Variants in PRKX observed in about 807,000 individuals in gnomAD.
The protein encoded by PRKX is cAMP-dependent protein kinase catalytic subunit PRKX.
A neutral mutation model predicts 22.0 loss-of-function variants in PRKX; 12 were observed. The ratio of observed to expected loss-of-function variants is 0.54; its 90% CI spans 0.35 to 0.88. PRKX has a LOEUF of 0.88. Among genes scored for constraint, PRKX ranks in the 40% least tolerant of loss-of-function variants. The pLI is 0.01. For synonymous variants in PRKX, 134 were observed against 137.7 expected, an observed-to-expected ratio of 0.97 and a Z score of 0.19; for missense variants, 217 against 308.0, an observed-to-expected ratio of 0.70 and a Z score of 2.21.
intron 1 of PRKX, among the ~76,000 whole-genome samples, chrX:3,693,051 G>A (rs1256714024): frequency 9.0e-6 from 1 of 110,506 alleles, no homozygotes; most frequent in East Asian, 2.9e-4. Flanking sequence ...ATTTTCCTGG[G>A]TCTCAGGTGC....
intron 3 of PRKX, among the ~76,000 whole-genome samples, chrX:3,647,164 C>T (rs1927205598): frequency 9.2e-6 from 1 of 108,130 alleles, no homozygotes; most frequent in Admixed American, 1.0e-4. Context: ...AATCTAAACA[C>T]TAAATGTGTA....
chrX:3,629,279 G>A (rs1456841410), intron 4 of PRKX, among the ~76,000 whole-genome samples: 2 of 109,140 alleles, frequency 1.8e-5, no homozygotes, highest in East Asian at 5.9e-4. Context: ...TTGCTCTGTT[G>A]CCCCCAGGCT....
chrX:3,612,615 CCT>C (rs1397922169), intron 7 of PRKX, among the ~76,000 whole-genome samples: 5 of 109,273 alleles, frequency 4.6e-5, no homozygotes, highest in Admixed American at 3.0e-4. Context: ...CAGGGAGTCC[CCT>C]GTCTCTACAA....
At position 3,692,578 on chromosome X, in the gene PRKX, A is replaced by G. The variant is rs1235956268; in HGVS notation, c.167-17812T>C. 7.1e-5 allele frequency among the ~76,000 whole-genome samples: 7 copies of G among 98,487 alleles called. 1 individual carries two copies. The Admixed American group carries it at 8.3e-4, about 12-fold the overall frequency. The allele number at this position is 98,487 out of a possible 115,157, so 85.5% of individuals were successfully genotyped here. ...AGTCTCGCTCTGTCACCCAGGCTGG[A>G]GTGCAGTGGCGCGATCTCAGCTCAC... On this transcript the variant is annotated intron_variant, in intron 1 of 8. Transcript: ENST00000262848.
intron 1 of PRKX, among the ~76,000 whole-genome samples, chrX:3,710,203 T>C (rs191946534): frequency 4.1e-4 from 46 of 111,965 alleles, no homozygotes; most frequent in Non-Finnish European, 7.9e-4. Flanking sequence ...CTCTGAGGAC[T>C]AGTATGACTG....
chrX:3,640,455 G>C (rs1454247515), intron 4 of PRKX, among the ~76,000 whole-genome samples: 2 of 112,216 alleles, frequency 1.8e-5, no homozygotes, highest in African/African-American at 6.5e-5. Context: ...CCCACGTCCT[G>C]GGTTTCCAAG....
chrX:3,659,563 T>C (rs1458705336), intron 2 of PRKX: 2 of 110,194 alleles, frequency 1.8e-5, no homozygotes, highest in Admixed American at 2.0e-4. Context: ...CTGTTTTTTT[T>C]CCTTCAGTTA....
rs1373039451 is a variant in PRKX, at chrX:3,713,131, C to T, written c.123G>A (p.Pro41=). Residue 41 remains proline, a synonymous_variant, in exon 1 of 9, where the codon CCG becomes CCA. Coordinates refer to ENST00000262848, the MANE Select transcript of PRKX (RefSeq NM_005044.5). Reference sequence around the variant, plus strand: ...CAAAGTCCTGCAGGCTGTACACAGGCGGCTCCGGCGACAGCGCCTCAGGGC... The same window carrying T: ...CAAAGTCCTGCAGGCTGTACACAGGTGGCTCCGGCGACAGCGCCTCAGGGC... ...CPSPEALSPE[P]PVYSLQDFDT... is the part of the protein sequence containing the mutation. 8.7e-7 allele frequency: 1 copy of T among 1,155,774 alleles called. No homozygotes were observed. Among genetic ancestry groups the T allele is most frequent in the Non-Finnish European group, 1.1e-6 (1 of 871,504 alleles).
At chrX:3,638,935 G>C (rs981456105) in intron 4 of PRKX, among the ~76,000 whole-genome samples, 3 of 103,611 alleles carry the variant, frequency 2.9e-5, no homozygotes, top group African/African-American at 1.1e-4. Flanking sequence ...TAAATACATA[G>C]ATAACAGGTA....
In PRKX at chrX:3,607,844, C is replaced by T. The variant is rs1211312818; in HGVS notation, c.*1125G>A. The T allele has an allele frequency of 9.5e-6, 1 of 105,625 alleles. No homozygotes were observed. Among genetic ancestry groups the T allele is most frequent in the African/African-American group, 3.4e-5 (1 of 29,003 alleles). The allele number at this position is 105,625 out of a possible 1,213,427, so 8.7% of individuals were successfully genotyped here. A position where few individuals can be genotyped will look rare whatever the true frequency, so the allele number is the denominator to read the frequency against. Reference sequence around the variant, plus strand: ...AAAGCCTTAAGGTGGACGTTCTCTTCAATCCATCTTCAAAAGCACAAAGCC... The same window carrying T: ...AAAGCCTTAAGGTGGACGTTCTCTTTAATCCATCTTCAAAAGCACAAAGCC... On this transcript the variant is annotated 3_prime_UTR_variant, in exon 9 of 9. Coordinates refer to ENST00000262848, the MANE Select transcript of PRKX (RefSeq NM_005044.5).
At chrX:3,708,594 G>A (rs2146616251) in intron 1 of PRKX, among the ~76,000 whole-genome samples, 1 of 110,670 alleles carries the variant, frequency 9.0e-6, no homozygotes, top group East Asian at 2.8e-4. Context: ...GCCAGGCACG[G>A]TGGCTCACAC....
intron 4 of PRKX, among the ~76,000 whole-genome samples, chrX:3,630,280 C>A (rs1262112213): frequency 8.9e-6 from 1 of 112,374 alleles, no homozygotes; most frequent in Non-Finnish European, 1.9e-5. Context: ...AAGATTTAGG[C>A]CAGGCGCGGT....
At chrX:3,700,879 G>A (rs1357770282) in intron 1 of PRKX, among the ~76,000 whole-genome samples, 1 of 111,318 alleles carries the variant, frequency 9.0e-6, no homozygotes, top group East Asian at 2.8e-4. Context: ...GGGGATTACA[G>A]GTGTTCAGCC....
chrX:3,692,630 C>A (rs1440034783), intron 1 of PRKX, among the ~76,000 whole-genome samples: 1 of 108,420 alleles, frequency 9.2e-6, no homozygotes, highest in Non-Finnish European at 1.9e-5. Flanking sequence ...CAGGTTCACG[C>A]CATTCTCCTG....
rs186194907 is a variant in PRKX at position 3,626,148 on chromosome X, G to A, written c.815+271C>T. ...CCAAAACTGCTCTCTTATAAAATAC[G>A]ATGACAAACTCGTTCATTGGCTCAT... On this transcript the variant is annotated intron_variant, in intron 5 of 8. Coordinates refer to ENST00000262848, the MANE Select transcript of PRKX (RefSeq NM_005044.5). 1.8e-3 allele frequency among the ~76,000 whole-genome samples: 199 copies of A among 112,075 alleles called. 1 individual carries two copies. Among genetic ancestry groups the A allele is most frequent in the African/African-American group, 6.3e-3 (195 of 30,910 alleles).
At chrX:3,701,274 G>C (rs760769729) in intron 1 of PRKX, among the ~76,000 whole-genome samples, 5 of 106,836 alleles carry the variant, frequency 4.7e-5, no homozygotes, top group Non-Finnish European at 7.7e-5. Context: ...ACACACGGCT[G>C]ATTTTATTTT....
chrX:3,713,097 C>T lies in PRKX; in HGVS notation c.157G>A (p.Ala53Thr). Residue 53 changes from alanine to threonine, a missense_variant, in exon 1 of 9, where the codon GCC (alanine) becomes ACC (threonine). Physicochemically the swap from Ala to Thr is moderately conservative, Grantham distance 58 (BLOSUM62 0). Transcript: ENST00000262848. Reference sequence around the variant, plus strand: ...GCCCGCACTCACTCACCCACGGTGGCCAGCGTGTCAAAGTCCTGCAGGCTG... The same window carrying T: ...GCCCGCACTCACTCACCCACGGTGGTCAGCGTGTCAAAGTCCTGCAGGCTG... ...VYSLQDFDTL[A>T]TVGTGTFGRV... 1 of 1,167,022 alleles carries T rather than the reference C, an allele frequency of 8.6e-7. No homozygotes were observed. Among genetic ancestry groups the T allele is most frequent in the African/African-American group, 1.8e-5 (1 of 55,096 alleles).
chrX:3,658,210 C>T (rs750077005), intron 2 of PRKX, among the ~76,000 whole-genome samples: 4 of 111,074 alleles, frequency 3.6e-5, no homozygotes, highest in East Asian at 2.8e-4. Flanking sequence ...AGGCCGGTCT[C>T]GAACTCCTGA....
chrX:3,709,840 G>A (rs1328542702), intron 1 of PRKX, among the ~76,000 whole-genome samples: 2 of 110,466 alleles, frequency 1.8e-5, no homozygotes, highest in Non-Finnish European at 3.8e-5. Flanking sequence ...CCAGGCTGGA[G>A]TACGGTGGCG....
Sources: gnomAD v4.1 joint callset for allele counts (sites outside exome capture counted in the v4.1 genomes callset) on GRCh38, gnomAD v4.1.1 for gene constraint, MANE v1.5 for transcripts, NCBI Gene and HGNC (gene_info 2026-07-23, HGNC 2026-07-21) for gene names.